Variants in PDK1 observed in about 807,000 individuals in gnomAD.
PDK1 encodes [Pyruvate dehydrogenase (acetyl-transferring)] kinase isozyme 1, mitochondrial.
PDK1 carries 39 observed loss-of-function variants against 54.2 expected under a neutral mutation model. The ratio of observed to expected loss-of-function variants is 0.72; its 90% CI spans 0.56 to 0.94. PDK1 has a LOEUF of 0.94. PDK1 is among the 40% of genes least tolerant of loss of function. The probability of loss-of-function intolerance (pLI) is 0.00; values close to 1 mark genes in which losing one functional copy is unlikely to be tolerated. For missense variants in PDK1, 552 were observed against 566.0 expected, an observed-to-expected ratio of 0.98 and a Z score of 0.25; for synonymous variants, 221 against 207.1, an observed-to-expected ratio of 1.07 and a Z score of -0.58.
the PDK1 span, among the ~76,000 whole-genome samples, chr2:172,622,519 T>C: frequency 6.7e-6 from 1 of 148,934 alleles, no homozygotes; most frequent in Non-Finnish European, 1.5e-5. Context: ...GAGATATGTT[T>C]ATATCATATA....
intron 9 of PDK1, among the ~76,000 whole-genome samples, chr2:172,591,345 T>G (rs1409371337): frequency 6.6e-6 from 1 of 152,234 alleles, no homozygotes; most frequent in Non-Finnish European, 1.5e-5. Flanking sequence ...GGGCGGCATC[T>G]CATACTATCC....
At chr2:172,676,393 G>C in the PDK1 span, among the ~76,000 whole-genome samples, 1 of 152,192 alleles carries the variant, frequency 6.6e-6, no homozygotes, top group Non-Finnish European at 1.5e-5. Flanking sequence ...AGTGATTCAT[G>C]GGAGGAGGTC....
chr2:172,570,646 A>G lies in PDK1; in HGVS notation c.847-80A>G, dbSNP rs13417334. 0.14 allele frequency: 96,511 copies of G among 684,194 alleles called. 7,823 individuals are homozygous for G. Among genetic ancestry groups the G allele is most frequent in the African/African-American group, 0.23 (12,641 of 53,910 alleles). 42.4% of individuals were successfully genotyped at this position (684,194 alleles called of 1,614,324 possible). On this transcript the variant is annotated intron_variant, in intron 7 of 10. Transcript: ENST00000282077. ...ATTTCCATCAAATTTTAAAACTTCAAATAGTGCATATGTACTTGAAAATTA... is the reference window on the plus strand; with the variant it reads ...ATTTCCATCAAATTTTAAAACTTCAGATAGTGCATATGTACTTGAAAATTA...
the PDK1 span, among the ~76,000 whole-genome samples, chr2:172,621,144 C>T: frequency 3.9e-5 from 6 of 151,990 alleles, no homozygotes; most frequent in East Asian, 1.9e-4. Context: ...ACTGGGCATG[C>T]GTGGTGGTTA....
At chr2:172,629,125 C>T in the PDK1 span, among the ~76,000 whole-genome samples, 11 of 151,624 alleles carry the variant, frequency 7.3e-5, no homozygotes, top group South Asian at 1.5e-3. Context: ...AGCAAGACCC[C>T]GGCTCAAAAA....
the PDK1 span, among the ~76,000 whole-genome samples, chr2:172,686,152 A>G: frequency 6.6e-6 from 1 of 152,236 alleles, no homozygotes; most frequent in African/African-American, 2.4e-5. Flanking sequence ...TTCACTCTTT[A>G]GTAAAGTCTC....
the PDK1 span, among the ~76,000 whole-genome samples, chr2:172,616,081 C>T: frequency 1.3e-5 from 2 of 152,124 alleles, no homozygotes; most frequent in African/African-American, 4.8e-5. Context: ...TATTTTATAT[C>T]CCTTAGACTA....
At chr2:172,673,552 G>T in the PDK1 span, among the ~76,000 whole-genome samples, 2 of 152,040 alleles carry the variant, frequency 1.3e-5, no homozygotes, top group Non-Finnish European at 2.9e-5. Context: ...CGTGATGGTC[G>T]CCTGACATTC....
the PDK1 span, among the ~76,000 whole-genome samples, chr2:172,653,848 C>T: frequency 4.0e-4 from 61 of 152,046 alleles, no homozygotes; most frequent in South Asian, 4.8e-3. Context: ...ACCTACAGAA[C>T]GGGAGAAAAT....
chr2:172,602,950 G>T lies in PDK1; in HGVS notation c.*6981G>T, dbSNP rs1005345241. 2.0e-5 allele frequency: 3 copies of T among 152,166 alleles called. No homozygotes were observed. Among genetic ancestry groups the T allele is most frequent in the Non-Finnish European group, 4.4e-5 (3 of 68,032 alleles). 9.4% of individuals were successfully genotyped at this position (152,166 alleles called of 1,614,324 possible). ...CAGCTGAACTTGATTGTTACTCTTG[G>T]ATCAGGGTTGGCTTGATAAGGACTC... On this transcript the variant is annotated 3_prime_UTR_variant, in exon 11 of 11. Transcript: ENST00000282077.
chr2:172,586,375 G>A lies in PDK1; in HGVS notation c.1043G>A (p.Arg348His), dbSNP rs555187654. ...CCAAGACCTCGTGTTGAGACCTCCC[G>A]CGCAGTGCCTCTGGTATGTTATCAA... The part of the protein sequence containing the change: ...TAPRPRVETS[R>H]AVPLAGFGYG... The change falls in exon 9 of 11, where the codon CGC becomes CAC. Residue 348 changes from arginine to histidine, a missense_variant. Coordinates refer to ENST00000282077, the MANE Select transcript of PDK1 (RefSeq NM_002610.5). The A allele has an allele frequency of 2.1e-4, 340 of 1,592,334 alleles. 5 individuals are homozygous for A. The South Asian group carries it at 2.3e-3, about 11-fold the overall frequency.
the PDK1 span, among the ~76,000 whole-genome samples, chr2:172,692,058 G>A: frequency 1.3e-5 from 2 of 152,218 alleles, no homozygotes; most frequent in Non-Finnish European, 2.9e-5. Context: ...AAAGGCATCA[G>A]TGACACTTCA....
chr2:172,570,959 T>C (rs1208904750), intron 8 of PDK1, 135 bp downstream of exon 8: 1 of 585,508 alleles, frequency 1.7e-6, no homozygotes, highest in Non-Finnish European at 3.0e-6. Context: ...CTGTAATAGA[T>C]AATAAGCACA....
chr2:172,621,699 G>A, the PDK1 span, among the ~76,000 whole-genome samples: 2 of 143,346 alleles, frequency 1.4e-5, no homozygotes, highest in African/African-American at 5.1e-5. Context: ...TCATATATAT[G>A]TTTATATATC....
intron 3 of PDK1, chr2:172,564,209 A>G (rs1038015912): frequency 8.4e-6 from 4 of 477,008 alleles, no homozygotes; most frequent in African/African-American, 3.9e-5. Context: ...ACCTTAGTTG[A>G]TAACAGTTAA....
the PDK1 span, among the ~76,000 whole-genome samples, chr2:172,625,459 G>A: frequency 1.3e-5 from 2 of 152,166 alleles, no homozygotes; most frequent in Admixed American, 6.5e-5. Flanking sequence ...ATCATATCAT[G>A]CATCTGTTTG....
chr2:172,682,089 T>C, the PDK1 span, among the ~76,000 whole-genome samples: 606 of 152,264 alleles, frequency 4.0e-3, 2 homozygotes, highest in African/African-American at 0.014. Flanking sequence ...AGCAAGTCGA[T>C]GTAGGCCTTA....
chr2:172,559,678 G>T (rs1034244606), intron 2 of PDK1, among the ~76,000 whole-genome samples: 8 of 152,062 alleles, frequency 5.3e-5, no homozygotes, highest in African/African-American at 1.4e-4. Context: ...CTCCAGAGTA[G>T]CTGGGATTAC....
Position 172,556,318 on chromosome 2 carries a change from G to C in PDK1, c.168G>C (p.Pro56=), listed in dbSNP as rs370287848. 4.5e-5 allele frequency: 67 copies of C among 1,495,388 alleles called. 1 individual carries two copies. In the East Asian group the frequency reaches 1.8e-3, roughly 41 times the overall value. 92.6% of individuals were successfully genotyped at this position (1,495,388 alleles called of 1,614,324 possible). ...VDFYARFSPS[P]LSMKQFLDFG... is the part of the protein sequence containing the mutation. Reference sequence around the variant, plus strand: ...TCTACGCGCGCTTCTCGCCGTCCCCGCTCTCCATGAAGCAGTTCCTGGACT... The same window carrying C: ...TCTACGCGCGCTTCTCGCCGTCCCCCCTCTCCATGAAGCAGTTCCTGGACT... The change falls in exon 1 of 11, where the codon CCG becomes CCC. Residue 56 remains proline (P), a synonymous_variant. Coordinates refer to ENST00000282077, the MANE Select transcript of PDK1 (RefSeq NM_002610.5).
Sources: gnomAD v4.1 joint callset for allele counts (sites outside exome capture counted in the v4.1 genomes callset) on GRCh38, gnomAD v4.1.1 for gene constraint, MANE v1.5 for transcripts, NCBI Gene and HGNC (gene_info 2026-07-23, HGNC 2026-07-21) for gene names.